Variants in NCOR2 observed in about 807,000 individuals in gnomAD.
NCOR2 encodes the protein CTG repeat protein 26.
A neutral mutation model predicts 262.9 loss-of-function variants in NCOR2; 81 were observed. That is an observed-to-expected ratio of 0.31 (90% CI 0.26 to 0.37). The LOEUF (loss-of-function observed/expected upper bound fraction) is 0.37. Among genes scored for constraint, NCOR2 ranks in the 10% least tolerant of loss-of-function variants. NCOR2 has a pLI of 1.00. For synonymous variants in NCOR2, 1,659 were observed against 1,559.3 expected (o/e 1.06, Z -1.51); for missense variants, 3,385 against 3,621.4 (o/e 0.93, Z 1.68).
At chr12:124,434,498 C>A (rs1197208707) in intron 8 of NCOR2, among the ~76,000 whole-genome samples, 1 of 152,140 alleles carries the variant, frequency 6.6e-6, no homozygotes, top group African/African-American at 2.4e-5. Flanking sequence ...CCCTCCACCC[C>A]CTCCACAGAC....
exon 45 of NCOR2, chr12:124,327,582 A>G: frequency 1.2e-6 from 2 of 1,611,474 alleles, no homozygotes; most frequent in Non-Finnish European, 1.7e-6. Flanking sequence ...CTCCAGCCCC[A>G]TGTTGGTGCT....
At chr12:124,524,693 G>A (rs2050362507) in intron 1 of NCOR2, among the ~76,000 whole-genome samples, 1 of 152,194 alleles carries the variant, frequency 6.6e-6, no homozygotes, top group African/African-American at 2.4e-5. Context: ...CAACTCAGGA[G>A]CCCTAACTAA....
rs2047521198 is a variant in NCOR2 at position 124,482,076 on chromosome 12, C to T, written c.411+1520G>A. On this transcript the variant is annotated intron_variant, in intron 3 of 46. Transcript: ENST00000405201. This position sits in a 1 kb window ranked among gnomAD's most constrained non-coding sequence, Gnocchi z 6.3. ...GAGTCCCTGAGTGCCAACAAGAACA[C>T]AGCTGCATCCGCCGGGGGAGGTTCC... 6.6e-6 allele frequency among the ~76,000 whole-genome samples: 1 copy of T among 152,126 alleles called. No individual in the cohort carries two copies. The highest frequency in any genetic ancestry group is 1.5e-5 in the Non-Finnish European group (1 of 68,004).
intron 12 of NCOR2, 112 bp downstream of exon 14, chr12:124,422,389 G>A (rs2043258853): frequency 7.9e-7 from 1 of 1,271,408 alleles, no homozygotes; most frequent in Admixed American, 1.8e-5. Context: ...CTGGAGCAAG[G>A]GGCCAGGCAG....
In NCOR2 at chr12:124,531,659, C is replaced by G. The variant is rs901115211; in HGVS notation, c.-118+3906G>C. Among the ~76,000 whole-genome samples, 5 of 152,042 alleles carry G rather than the reference C, an allele frequency of 3.3e-5. No individual in the cohort carries two copies. The highest frequency in any genetic ancestry group is 7.4e-5 in the Non-Finnish European group (5 of 67,968). ...GGGAAGGGCAGGGGGCCCTGAATTGCTCTCCTCCCCACCCAAGCAGGGCCC... is the reference window on the plus strand; with the variant it reads ...GGGAAGGGCAGGGGGCCCTGAATTGGTCTCCTCCCCACCCAAGCAGGGCCC... On this transcript the variant is annotated intron_variant, in intron 1 of 46. Transcript: ENST00000404621. This position sits in a 1 kb window ranked among gnomAD's most constrained non-coding sequence, Gnocchi z 4.5.
At chr12:124,529,635 C>G (rs2050681142) in intron 1 of NCOR2, 1 of 152,288 alleles carries the variant, frequency 6.6e-6, no homozygotes, top group African/African-American at 2.4e-5. Flanking sequence ...AAACACAGAG[C>G]TAGCGTTGGC....
Position 124,503,708 on chromosome 12 carries a change from A to ATGG in NCOR2, c.-117-8343_-117-8341dup, listed in dbSNP as rs1410028752. On this transcript the variant is annotated intron_variant, in intron 1 of 46. Coordinates refer to the NCOR2 transcript ENST00000404621. The surrounding 1 kb of genome is among the most constrained non-coding windows in gnomAD (Gnocchi z 4.3). ...GATGGATGGATGGATGGATGGATGG[A>ATGG]TGGACAGACGAATGGATGGATGGAT... 6.7e-6 allele frequency among the ~76,000 whole-genome samples: 1 copy of ATGG among 150,258 alleles called. No individual in the cohort carries two copies. The highest frequency in any genetic ancestry group is 1.5e-5 in the Non-Finnish European group (1 of 67,664).
At chr12:124,423,584 G>A (rs1313550734) in intron 11 of NCOR2, among the ~76,000 whole-genome samples, 2 of 152,214 alleles carry the variant, frequency 1.3e-5, no homozygotes, top group Admixed American at 6.5e-5. Flanking sequence ...TGGCAAGGCC[G>A]GAGCCATCCT....
chr12:124,545,520 C>T (rs536836340), intron 1 of NCOR2, among the ~76,000 whole-genome samples: 14 of 152,170 alleles, frequency 9.2e-5, no homozygotes, highest in Non-Finnish European at 1.8e-4. Context: ...CGGGGACCCT[C>T]GAAGCCCCCA....
upstream of NCOR2, among the ~76,000 whole-genome samples, chr12:124,495,610 A>C (rs2048338232): frequency 6.6e-6 from 1 of 151,856 alleles, no homozygotes; most frequent in Non-Finnish European, 1.5e-5. This position sits in a 1 kb window ranked among gnomAD's most constrained non-coding sequence, Gnocchi z 4.4. Context: ...CCTCCTCCCC[A>C]CCCAGGCCTT....
At chr12:124,398,058 G>A (rs75056841) in intron 16 of NCOR2, 61 bp downstream of exon 18, 42,308 of 1,594,382 alleles carry the variant, frequency 0.027, 660 homozygotes, top group Non-Finnish European at 0.031. Flanking sequence ...TCCCCAGCAC[G>A]TGAGCTTCAG....
In NCOR2 at chr12:124,347,860, T is replaced by C. The variant is rs1002967076; in HGVS notation, c.4037A>G (p.Lys1346Arg). The C allele has an allele frequency of 1.9e-6, 3 of 1,569,076 alleles. No homozygotes were observed. Among genetic ancestry groups the C allele is most frequent in the Non-Finnish European group, 8.6e-7 (1 of 1,156,188 alleles). ...GGACCCGCGGATGTGGTGCTGCTCT[T>C]TGAGGTGGTGGGGGCTGTGTCGCTC... The change falls in exon 30 of 47, where the codon AAA becomes AGA. Residue 1346 changes from lysine (K) to arginine (R), a missense_variant. By Grantham distance (26) the Lys-to-Arg change is conservative (BLOSUM62 2). Around this residue, in one of 5 missense-constraint regions of NCOR2, gnomAD observed 1,615 missense variants for 1,626.9 expected, o/e 0.99. Transcript: ENST00000405201.
At chr12:124,353,070 T>C (rs373155857) in intron 27 of NCOR2, among the ~76,000 whole-genome samples, 1 of 152,228 alleles carries the variant, frequency 6.6e-6, no homozygotes, top group East Asian at 1.9e-4. Context: ...CTCACATGTT[T>C]TGGCAGCTGG....
chr12:124,561,103 C>G (rs1040931304), intron 1 of NCOR2, among the ~76,000 whole-genome samples: 2 of 152,198 alleles, frequency 1.3e-5, no homozygotes, highest in Non-Finnish European at 2.9e-5. Context: ...GGGTCAGCCC[C>G]CATGAACCTG....
chr12:124,420,125 A>C, intron 12 of NCOR2, 70 bp from the exon 15 acceptor site: 23 of 1,328,042 alleles, frequency 1.7e-5, no homozygotes, highest in Middle Eastern at 1.9e-4. Flanking sequence ...CCAGGAGCTC[A>C]CATCCTGGGC....
At chr12:124,526,710 C>A (rs2050490588) in intron 1 of NCOR2, among the ~76,000 whole-genome samples, 1 of 152,150 alleles carries the variant, frequency 6.6e-6, no homozygotes, top group African/African-American at 2.4e-5. Flanking sequence ...GCAAAGCCAG[C>A]CTGGGGTGCA....
Position 124,483,540 on chromosome 12 carries a change from A to C in NCOR2, c.411+56T>G. The C allele has an allele frequency of 6.8e-7, 1 of 1,474,888 alleles. No individual in the cohort carries two copies. Among genetic ancestry groups the C allele is most frequent in the Non-Finnish European group, 9.0e-7 (1 of 1,110,966 alleles). 91.4% of individuals were successfully genotyped at this position (1,474,888 alleles called of 1,614,324 possible). ...TACCCACCACCTCCCACCCAGCCCA[A>C]CCAGCAGCAGAACCTCAAGCGGGAG... On this transcript the variant is annotated intron_variant, in intron 3 of 46. Coordinates refer to ENST00000405201, the Ensembl canonical transcript of NCOR2. The surrounding 1 kb of genome is among the most constrained non-coding windows in gnomAD (Gnocchi z 6.3).
chr12:124,529,882 C>T (rs1186811877), intron 1 of NCOR2: 1 of 152,250 alleles, frequency 6.6e-6, no homozygotes, highest in East Asian at 1.9e-4. Flanking sequence ...CAAAATGGGA[C>T]AGCCACTTTA....
chr12:124,533,829 G>A (rs2050978774), intron 1 of NCOR2, among the ~76,000 whole-genome samples: 1 of 152,182 alleles, frequency 6.6e-6, no homozygotes, highest in Non-Finnish European at 1.5e-5. Flanking sequence ...CCCAGGTTGT[G>A]TGGTGTCATC....
Sources: gnomAD v4.1 joint callset for allele counts (sites outside exome capture counted in the v4.1 genomes callset) on GRCh38, gnomAD v4.1.1 for gene constraint, gnomAD v4.1.1 regional missense constraint, Gnocchi (gnomAD v3.1) non-coding constraint, MANE v1.5 for transcripts, NCBI Gene and HGNC (gene_info 2026-07-23, HGNC 2026-07-21) for gene names.